MAST4: variants seen among roughly 807,000 people sequenced by gnomAD.
The protein encoded by MAST4 is microtubule associated serine/threonine kinase family member 4, also known as microtubule-associated serine/threonine-protein kinase 4.
In MAST4, 89 loss-of-function variants were observed where a neutral mutation model predicts 162.7. The observed-to-expected ratio is 0.55, with a 90% confidence interval of 0.46 to 0.65. The LOEUF is 0.65. MAST4 is among the 30% of genes least tolerant of loss of function. The probability of loss-of-function intolerance (pLI) is 0.00; values close to 1 mark genes in which losing one functional copy is unlikely to be tolerated. For synonymous variants in MAST4, 1,479 were observed against 1,361.1 expected (o/e 1.09, Z -1.91); for missense variants, 3,153 against 3,374.0 (o/e 0.93, Z 1.62).
chr5:66,958,191 G>A (rs1745562805), intron 4 of MAST4, among the ~76,000 whole-genome samples: 1 of 152,116 alleles, frequency 6.6e-6, no homozygotes, highest in South Asian at 2.1e-4. Flanking sequence ...GAGATGCCTT[G>A]TAGTACTTGA....
At chr5:67,061,542 A>T (rs1423924570) in intron 5 of MAST4, among the ~76,000 whole-genome samples, 2 of 148,504 alleles carry the variant, frequency 1.3e-5, no homozygotes, top group African/African-American at 5.0e-5. Context: ...AGAAGTTATT[A>T]TTTTTCATTT....
chr5:67,136,757 A>G (rs1050615253), intron 19 of MAST4, 93 bp downstream of exon 19: 7 of 886,514 alleles, frequency 7.9e-6, no homozygotes, highest in East Asian at 2.7e-5. Context: ...TGCTTTTTGC[A>G]TAGGCAACAT....
At chr5:66,760,641 A>C (rs1346803116) in intron 2 of MAST4, among the ~76,000 whole-genome samples, 6 of 152,172 alleles carry the variant, frequency 3.9e-5, no homozygotes, top group Admixed American at 6.5e-5. Context: ...ATGGAAGCAG[A>C]GTATCTACTC....
intron 4 of MAST4, among the ~76,000 whole-genome samples, chr5:66,996,602 A>G (rs887650242): frequency 2.0e-5 from 3 of 152,158 alleles, no homozygotes; most frequent in African/African-American, 7.2e-5. Flanking sequence ...TCCCTCTAGA[A>G]GCGCTGAGGT....
chr5:66,813,699 G>A lies in MAST4; in HGVS notation c.642+24905G>A, dbSNP rs568569582. Among the ~76,000 whole-genome samples the A allele has an allele frequency of 3.9e-5, 6 of 152,328 alleles. No individual in the cohort carries two copies. In the South Asian group the frequency reaches 1.2e-3, roughly 32 times the overall value. On this transcript the variant is annotated intron_variant, in intron 3 of 28. Transcript: ENST00000403625. ...GTTTTATAAAACTGCTAATTACATGGCATTGAGTAGATATTTCACCTAATG... is the reference window on the plus strand; with the variant it reads ...GTTTTATAAAACTGCTAATTACATGACATTGAGTAGATATTTCACCTAATG...
chr5:67,017,349 A>G (rs1753426642), intron 4 of MAST4, among the ~76,000 whole-genome samples: 2 of 152,168 alleles, frequency 1.3e-5, no homozygotes, highest in Admixed American at 1.3e-4. Context: ...AACTTTGTTA[A>G]GGGTTAAAGA....
intron 4 of MAST4, among the ~76,000 whole-genome samples, chr5:66,920,180 C>A (rs1164540412): frequency 6.6e-6 from 1 of 152,036 alleles, no homozygotes; most frequent in African/African-American, 2.4e-5. Flanking sequence ...TCAGAGGTGA[C>A]AAATGATACA....
intron 1 of MAST4, among the ~76,000 whole-genome samples, chr5:66,682,161 A>T (rs1320730991): frequency 6.6e-6 from 1 of 151,714 alleles, no homozygotes; most frequent in South Asian, 2.1e-4. Flanking sequence ...CATAGAAGTT[A>T]TAAGGCTGCC....
At chr5:66,986,401 A>G in intron 4 of MAST4, 2 of 1,266,398 alleles carry the variant, frequency 1.6e-6, no homozygotes, top group Non-Finnish European at 2.2e-6. Context: ...AAATCTGTAA[A>G]TGTGCATCAT....
chr5:66,648,161 A>AAT (rs144373556), intron 1 of MAST4, among the ~76,000 whole-genome samples: 3,504 of 150,130 alleles, frequency 0.023, 147 homozygotes, highest in African/African-American at 0.083. Context: ...TTTAGGCCAT[A>AAT]ATATATAAAA....
rs538813321 is a variant in MAST4, at chr5:66,825,673, T to C, written c.642+36879T>C. On this transcript the variant is annotated intron_variant, in intron 3 of 28. Coordinates refer to ENST00000403625, the MANE Select transcript of MAST4 (RefSeq NM_001164664.2). ...TAATTCTTAAAATTTAAATTTGACCTTTATTACAGTGACCATGGATTTTGA... is the reference window on the plus strand; with the variant it reads ...TAATTCTTAAAATTTAAATTTGACCCTTATTACAGTGACCATGGATTTTGA... Among the ~76,000 whole-genome samples the C allele has an allele frequency of 4.5e-4, 69 of 152,346 alleles. No homozygotes were observed. The South Asian group carries it at 0.014, about 31-fold the overall frequency.
chr5:66,785,001 G>A (rs1435701813), intron 2 of MAST4, among the ~76,000 whole-genome samples: 1 of 152,148 alleles, frequency 6.6e-6, no homozygotes, highest in Non-Finnish European at 1.5e-5. Context: ...ATCACTTGAG[G>A]CCAGGAGGCA....
chr5:67,082,864 A>G (rs919459414), intron 5 of MAST4, among the ~76,000 whole-genome samples: 1 of 152,230 alleles, frequency 6.6e-6, no homozygotes, highest in Admixed American at 6.5e-5. Context: ...AAGAGAGCAG[A>G]AGCTCTCTGT....
rs1758568578 is a variant in MAST4 at position 67,054,499 on chromosome 5, G to A, written c.763+7G>A. 6.3e-7 allele frequency: 1 copy of A among 1,596,720 alleles called. No individual in the cohort carries two copies. Among genetic ancestry groups the A allele is most frequent in the Non-Finnish European group, 8.5e-7 (1 of 1,172,420 alleles). ...CCTCTCTCTGCTCATGCAGGTAATT[G>A]GTTACCATTTCTTGAGTTTTGTTTT... is the stretch of plus-strand genomic sequence containing the variant. On this transcript the variant is annotated splice_region_variant and intron_variant, in intron 5 of 28. Coordinates refer to ENST00000403625, the MANE Select transcript of MAST4 (RefSeq NM_001164664.2).
chr5:67,040,224 T>C (rs2150483506), intron 4 of MAST4, among the ~76,000 whole-genome samples: 1 of 152,222 alleles, frequency 6.6e-6, no homozygotes, highest in African/African-American at 2.4e-5. Context: ...AAAAGAGGCA[T>C]GATCCAGAAA....
chr5:66,860,068 G>A (rs1481391254), intron 3 of MAST4, among the ~76,000 whole-genome samples: 1 of 152,214 alleles, frequency 6.6e-6, no homozygotes, highest in Non-Finnish European at 1.5e-5. Flanking sequence ...ACTAAGGAGA[G>A]GCTCTTTGGG....
At chr5:67,117,677 T>A (rs1266997631) in intron 12 of MAST4, among the ~76,000 whole-genome samples, 1 of 152,060 alleles carries the variant, frequency 6.6e-6, no homozygotes, top group African/African-American at 2.4e-5. Context: ...ATATTAATTA[T>A]CTGTGATCCT....
intron 5 of MAST4, among the ~76,000 whole-genome samples, chr5:67,070,919 C>T (rs921985392): frequency 6.6e-6 from 1 of 152,216 alleles, no homozygotes; most frequent in Non-Finnish European, 1.5e-5. Flanking sequence ...GCATTTTGTG[C>T]TGATCAGAGC....
At chr5:66,999,584 CCTTTA>C (rs1382222443) in intron 4 of MAST4, among the ~76,000 whole-genome samples, 1 of 152,194 alleles carries the variant, frequency 6.6e-6, no homozygotes, top group Non-Finnish European at 1.5e-5. Context: ...TTTAGCATGT[CCTTTA>C]CTTGCTTCAG....
Sources: allele counts gnomAD v4.1 joint callset (sites outside exome capture counted in the v4.1 genomes callset), GRCh38; gene constraint gnomAD v4.1.1; transcripts MANE v1.5; gene names NCBI Gene and HGNC (gene_info 2026-07-23, HGNC 2026-07-21).